NSMCE4A: variants seen among roughly 807,000 people sequenced by gnomAD.
The protein encoded by NSMCE4A is NSE4A component of SMC5/6 complex, also known as non-structural maintenance of chromosomes element 4 homolog A.
NSMCE4A carries 40 observed loss-of-function variants against 47.9 expected under a neutral mutation model. The observed-to-expected ratio is 0.83, with a 90% CI of 0.65 to 1.09. The LOEUF is 1.09. Ranked by LOEUF, NSMCE4A falls within the 50% of genes least tolerant of loss-of-function variation. NSMCE4A has a pLI of 0.00. For synonymous variants in NSMCE4A, 166 were observed against 178.5 expected, an observed-to-expected ratio of 0.93 and a Z score of 0.56; for missense variants, 500 against 507.0, an observed-to-expected ratio of 0.99 and a Z score of 0.13.
intron 1 of NSMCE4A, 137 bp downstream of exon 1, chr10:121,974,737 T>A (rs1952784608): frequency 1.7e-6 from 2 of 1,150,352 alleles, no homozygotes; most frequent in African/African-American, 3.3e-5. Context: ...GGCGAGGGGC[T>A]GGCACCCGGC....
chr10:121,968,843 C>T (rs1952653095), intron 3 of NSMCE4A, among the ~76,000 whole-genome samples: 1 of 152,120 alleles, frequency 6.6e-6, no homozygotes, highest in Non-Finnish European at 1.5e-5. Flanking sequence ...CCCTTGCCGC[C>T]CGAACTACCA....
Position 121,967,722 on chromosome 10 carries a change from CAT to C in NSMCE4A, c.584_585del (p.Tyr195Ter), listed in dbSNP as rs1317501759. 2 of 1,614,110 alleles carry C rather than the reference CAT, an allele frequency of 1.2e-6. No homozygotes were observed. Among genetic ancestry groups the C allele is most frequent in the Non-Finnish European group, 1.7e-6 (2 of 1,180,008 alleles). On this transcript the variant is annotated frameshift_variant, in exon 4 of 11. Transcript: ENST00000369023. LOFTEE classifies it high-confidence loss of function. ...EDSPDFEFIV[Y>X]DSWKITGRTA... is the part of the protein sequence containing the mutation. ...GTTCTGCCTGTTATCTTCCAGGAGT[CAT>C]AGACTATGAATTCAAAATCAGGACT...
Position 121,961,460 on chromosome 10 carries a change from G to A in NSMCE4A, c.902C>T (p.Thr301Ile), listed in dbSNP as rs764428790. Residue 301 changes from threonine to isoleucine, a missense_variant, in exon 7 of 11, where the codon ACA becomes ATA. Transcript: ENST00000369023. ...GGAAACATGAAAGATGTTTTCCACT[G>A]TACGGGGGAAAGAATGAGGATCAAC... ...FVVDPHSFPR[T>I]VENIFHVSFI... The A allele has an allele frequency of 1.3e-6, 2 of 1,579,424 alleles. No homozygotes were observed. Among genetic ancestry groups the A allele is most frequent in the South Asian group, 2.4e-5 (2 of 84,536 alleles).
intron 6 of NSMCE4A, chr10:121,961,881 T>C: frequency 4.5e-6 from 1 of 223,500 alleles, no homozygotes; most frequent in Non-Finnish European, 8.9e-6. Flanking sequence ...TGCTGGCAGA[T>C]CACCTGAGGT....
intron 4 of NSMCE4A, chr10:121,967,424 C>G: frequency 2.1e-6 from 1 of 471,164 alleles, no homozygotes; most frequent in Non-Finnish European, 3.7e-6. Flanking sequence ...TCTTGAATTC[C>G]TGAGCTCAGA....
chr10:121,971,927 T>C (rs540329582), intron 2 of NSMCE4A, among the ~76,000 whole-genome samples: 4 of 152,220 alleles, frequency 2.6e-5, no homozygotes, highest in East Asian at 1.9e-4. Context: ...AAATGAACAG[T>C]CTACAGGTAG....
At chr10:121,965,521 G>A (rs1952591116) in intron 4 of NSMCE4A, 136 bp from the exon 5 acceptor site, 1 of 641,928 alleles carries the variant, frequency 1.6e-6, no homozygotes, top group African/African-American at 1.8e-5. Context: ...TGACATCAGA[G>A]TAAGACTCTT....
intron 2 of NSMCE4A, among the ~76,000 whole-genome samples, chr10:121,971,581 T>C (rs1179430473): frequency 2.0e-5 from 3 of 152,146 alleles, no homozygotes; most frequent in East Asian, 1.9e-4. Flanking sequence ...AGCTGACCAG[T>C]CTTCCTAAAA....
intron 5 of NSMCE4A, 100 bp from the exon 6 acceptor site, chr10:121,963,428 C>A: frequency 1.5e-6 from 1 of 657,858 alleles, no homozygotes; most frequent in Non-Finnish European, 2.6e-6. Flanking sequence ...CTCTTGCACA[C>A]CCGAACTCTT....
At chr10:121,970,103 C>T (rs1005499687) in intron 3 of NSMCE4A, among the ~76,000 whole-genome samples, 8 of 152,094 alleles carry the variant, frequency 5.3e-5, no homozygotes, top group African/African-American at 1.9e-4. Flanking sequence ...CATCAAGGAA[C>T]AGTTTTAGAA....
intron 2 of NSMCE4A, among the ~76,000 whole-genome samples, chr10:121,973,200 C>A (rs1952748832): frequency 6.7e-6 from 1 of 149,116 alleles, no homozygotes; most frequent in African/African-American, 2.5e-5. Flanking sequence ...TGTGCTACTG[C>A]ACTCCAGCCT....
intron 2 of NSMCE4A, among the ~76,000 whole-genome samples, chr10:121,971,301 G>C (rs1264214780): frequency 1.3e-5 from 2 of 152,060 alleles, no homozygotes; most frequent in Non-Finnish European, 2.9e-5. Context: ...ACGAGGTCAG[G>C]AGATCGAGAC....
chr10:121,968,727 T>C (rs1952651277), intron 3 of NSMCE4A, among the ~76,000 whole-genome samples: 1 of 152,106 alleles, frequency 6.6e-6, no homozygotes, highest in African/African-American at 2.4e-5. Flanking sequence ...TAAACAATAA[T>C]CACAAAACCC....
chr10:121,961,572 C>CACTCTAG, intron 6 of NSMCE4A, 55 bp from the exon 7 acceptor site: 3 of 1,056,654 alleles, frequency 2.8e-6, no homozygotes, highest in Non-Finnish European at 4.1e-6. Flanking sequence ...AATATCAGTA[C>CACTCTAG]ACTCTAGCGT....
chr10:121,959,839 C>T, intron 8 of NSMCE4A: 1 of 529,970 alleles, frequency 1.9e-6, no homozygotes, highest in Non-Finnish European at 3.4e-6. Flanking sequence ...ATTTGAAAAT[C>T]TGCATATCTA....
At chr10:121,972,402 C>G (rs1005222258) in intron 2 of NSMCE4A, among the ~76,000 whole-genome samples, 4 of 152,228 alleles carry the variant, frequency 2.6e-5, no homozygotes, top group Non-Finnish European at 5.9e-5. Context: ...TTTGTTGATC[C>G]CTTCTTTATC....
Position 121,974,909 on chromosome 10 carries a change from C to T in NSMCE4A, c.257G>A (p.Arg86His). The change falls in exon 1 of 11, where the codon CGC becomes CAC. Residue 86 changes from arginine to histidine, a missense_variant. By Grantham distance (29) the Arg-to-His change is conservative. Transcript: ENST00000369023. Reference sequence around the variant, plus strand: ...GTTGATGAGCGCCCGGTACTGATGGCGGATCTGGCGGCACAGGCCTTGGTC... The same window carrying T: ...GTTGATGAGCGCCCGGTACTGATGGTGGATCTGGCGGCACAGGCCTTGGTC... ...EADQGLCRQI[R>H]HQYRALINSV... The T allele has an allele frequency of 1.3e-6, 2 of 1,525,530 alleles. No individual in the cohort carries two copies. Among genetic ancestry groups the T allele is most frequent in the Non-Finnish European group, 1.8e-6 (2 of 1,138,856 alleles). 94.5% of individuals were successfully genotyped at this position (1,525,530 alleles called of 1,614,324 possible).
intron 4 of NSMCE4A, chr10:121,966,403 T>A (rs1438239658): frequency 3.9e-5 from 6 of 152,224 alleles, no homozygotes; most frequent in African/African-American, 1.4e-4. Flanking sequence ...GGCTGGATGA[T>A]GAGATAAAGT....
chr10:121,973,670 C>G (rs1465694300), intron 2 of NSMCE4A, among the ~76,000 whole-genome samples: 1 of 152,180 alleles, frequency 6.6e-6, no homozygotes. Flanking sequence ...TTCTGTAATT[C>G]ATCCACTCAA....
Sources: allele counts gnomAD v4.1 joint callset (sites outside exome capture counted in the v4.1 genomes callset), GRCh38; gene constraint gnomAD v4.1.1; transcripts MANE v1.5; gene names NCBI Gene and HGNC (gene_info 2026-07-23, HGNC 2026-07-21).